Variants in MMGT1 observed in about 807,000 individuals in gnomAD.
MMGT1 encodes the protein membrane magnesium transporter 1.
In MMGT1, 2 loss-of-function variants were observed where a neutral mutation model predicts 11.7. That is an observed-to-expected ratio of 0.17 (90% CI 0.07 to 0.54). The LOEUF (loss-of-function observed/expected upper bound fraction) is 0.54, where lower values mean the gene tolerates loss of function less well. MMGT1 is among the 20% of genes least tolerant of loss of function. The pLI, the probability that MMGT1 is intolerant of heterozygous loss-of-function variation, is 0.94. For missense variants in MMGT1, 74 were observed against 109.0 expected (o/e 0.68, Z 1.43); for synonymous variants, 49 against 44.4 (o/e 1.10, Z -0.41).
In MMGT1 at chrX:135,960,589, A is replaced by C. The variant is rs1354391245; in HGVS notation, c.*4435T>G. The stretch of plus-strand genomic sequence containing the variant: ...AAGTTGAAAAAAAAACCTTTAAAAT[A>C]CTGGAAAAATACATTAAATTTATTC... On this transcript the variant is annotated 3_prime_UTR_variant, in exon 4 of 4. Coordinates refer to ENST00000305963, the MANE Select transcript of MMGT1 (RefSeq NM_173470.3). 8.9e-6 allele frequency among the ~76,000 whole-genome samples: 1 copy of C among 111,975 alleles called. No individual in the cohort carries two copies. Among genetic ancestry groups the C allele is most frequent in the African/African-American group, 3.2e-5 (1 of 30,833 alleles).
intron 1 of MMGT1, among the ~76,000 whole-genome samples, chrX:135,972,718 A>G (rs1401140963): frequency 9.0e-6 from 1 of 111,469 alleles, no homozygotes; most frequent in African/African-American, 3.3e-5. Context: ...CATACAAATC[A>G]CCCTGGGATC....
rs2148116693 is a variant in MMGT1 at position 135,963,683 on chromosome X, G to A, written c.*1341C>T. ...GAAGAGCTGATGTCCATTTCTAAAG[G>A]AAAATAAAATGCCTACAAGTACAAT... is the stretch of plus-strand genomic sequence containing the variant. On this transcript the variant is annotated 3_prime_UTR_variant, in exon 4 of 4. Coordinates refer to ENST00000305963, the MANE Select transcript of MMGT1 (RefSeq NM_173470.3). 8.9e-6 allele frequency: 1 copy of A among 112,217 alleles called. No homozygotes were observed. Among genetic ancestry groups the A allele is most frequent in the African/African-American group, 3.2e-5 (1 of 30,792 alleles). The allele number at this position is 112,217 out of a possible 1,213,427, so 9.2% of individuals were successfully genotyped here. A position where few individuals can be genotyped will look rare whatever the true frequency, so the allele number is the denominator to read the frequency against.
At position 135,973,577 on chromosome X, in the gene MMGT1, C is replaced by T. The variant is rs370450559; in HGVS notation, c.79+20G>A. 8 of 1,151,704 alleles carry T rather than the reference C, an allele frequency of 6.9e-6. No homozygotes were observed. The African/African-American group carries it at 1.4e-4, about 21-fold the overall frequency. The allele number at this position is 1,151,704 out of a possible 1,213,427, so 94.9% of individuals were successfully genotyped here. A position where few individuals can be genotyped will look rare whatever the true frequency, so the allele number is the denominator to read the frequency against. The stretch of plus-strand genomic sequence containing the variant: ...CCTAGGGTTCCACACCGAAGCGGTC[C>T]CCGTGCCCCAGGCACTTACGCTGCG... On this transcript the variant is annotated intron_variant, in intron 1 of 3. Transcript: ENST00000305963.
At chrX:135,969,444 A>G (rs2089205680) in intron 2 of MMGT1, among the ~76,000 whole-genome samples, 1 of 110,827 alleles carries the variant, frequency 9.0e-6, no homozygotes, top group African/African-American at 3.3e-5. Flanking sequence ...GGTTCAAGTG[A>G]TTCTCCTGCC....
chrX:135,961,585 A>G lies in MMGT1; in HGVS notation c.*3439T>C, dbSNP rs1457499134. ...CTTAATTAACAGGTTATTTTGAGATATTCCTAGGTAGGTTTGAATACCGGT... is the reference window on the plus strand; with the variant it reads ...CTTAATTAACAGGTTATTTTGAGATGTTCCTAGGTAGGTTTGAATACCGGT... On this transcript the variant is annotated 3_prime_UTR_variant, in exon 4 of 4. Coordinates refer to ENST00000305963, the MANE Select transcript of MMGT1 (RefSeq NM_173470.3). Among the ~76,000 whole-genome samples the G allele has an allele frequency of 9.0e-6, 1 of 111,553 alleles. No homozygotes were observed. The highest frequency in any genetic ancestry group is 1.9e-5 in the Non-Finnish European group (1 of 53,102).
rs150760968 is a variant in MMGT1, at chrX:135,968,940, A to T, written c.133-1447T>A. On this transcript the variant is annotated intron_variant, in intron 2 of 3. Transcript: ENST00000305963. The stretch of plus-strand genomic sequence containing the variant: ...CCTGTTACCTTCACAATCAACATGA[A>T]TATTCATATGCATGTCGCCCAGTTC... Among the ~76,000 whole-genome samples the T allele has an allele frequency of 6.4e-3, 721 of 112,017 alleles. 3 individuals are homozygous for T. The highest frequency in any genetic ancestry group is 0.011 in the Admixed American group (119 of 10,522).
chrX:135,968,499 T>TTGTGTGTGTGTGTGTGTGTGTGTGTGTG (rs61012323), intron 2 of MMGT1, among the ~76,000 whole-genome samples: 1 of 85,009 alleles, frequency 1.2e-5, no homozygotes, highest in African/African-American at 4.5e-5. Flanking sequence ...CATTATGTCA[T>TTGTGTGTGTGTGTGTGTGTGTGTGTGTG]TGTGTGTGTG....
intron 1 of MMGT1, among the ~76,000 whole-genome samples, chrX:135,972,860 T>C (rs11798160): frequency 0.013 from 1,415 of 111,539 alleles, 23 homozygotes; most frequent in Non-Finnish European, 0.018. Flanking sequence ...TTCCTTAACC[T>C]CCCAGTTCCC....
chrX:135,970,733 C>A (rs952103235), intron 2 of MMGT1, among the ~76,000 whole-genome samples: 1 of 111,687 alleles, frequency 9.0e-6, no homozygotes, highest in African/African-American at 3.3e-5. Flanking sequence ...CACGGTGAAA[C>A]CCTGTCTCTA....
intron 1 of MMGT1, among the ~76,000 whole-genome samples, chrX:135,973,030 C>T: frequency 1.8e-5 from 2 of 112,314 alleles, no homozygotes; most frequent in Non-Finnish European, 3.8e-5. Flanking sequence ...TTTCAAACAG[C>T]GACCCAAAAC....
rs1315545870 is a variant in MMGT1 at position 135,963,524 on chromosome X, T to C, written c.*1500A>G. The C allele has an allele frequency of 1.8e-5, 2 of 112,142 alleles. No homozygotes were observed. The highest frequency in any genetic ancestry group is 3.8e-5 in the Non-Finnish European group (2 of 53,217). The allele number at this position is 112,142 out of a possible 1,213,427, so 9.2% of individuals were successfully genotyped here. On this transcript the variant is annotated 3_prime_UTR_variant, in exon 4 of 4. Coordinates refer to ENST00000305963, the MANE Select transcript of MMGT1 (RefSeq NM_173470.3). ...TTAGGTTATCGGCAGATTTCTAACT[T>C]TGTTCTCATTAGAGAGCAGAGTCAG...
chrX:135,967,537 T>C, intron 2 of MMGT1, 44 bp from the exon 3 acceptor site: 5 of 762,828 alleles, frequency 6.6e-6, no homozygotes, highest in Non-Finnish European at 9.6e-6. Flanking sequence ...ACAAACATTA[T>C]TATAAATATT....
At position 135,965,179 on chromosome X, in the gene MMGT1, A is replaced by G; in HGVS notation, c.241T>C (p.Phe81Leu). 1 of 1,194,312 alleles carries G rather than the reference A, an allele frequency of 8.4e-7. No homozygotes were observed. Among genetic ancestry groups the G allele is most frequent in the Non-Finnish European group, 1.1e-6 (1 of 883,404 alleles). Reference protein sequence around the residue: ...DATSELKNKTFDTLRNHPSFY... With the variant: ...DATSELKNKTLDTLRNHPSFY... ...GATGGGTGATTCCTTAACGTATCAA[A>G]TGTCCTTGAAAGAAGAAAAAAGCAT... is the stretch of plus-strand genomic sequence containing the variant. Residue 81 changes from phenylalanine to leucine, a missense_variant, in exon 4 of 4, where the codon TTT (phenylalanine) becomes CTT (leucine). Transcript: ENST00000305963.
intron 2 of MMGT1, among the ~76,000 whole-genome samples, chrX:135,968,685 T>A (rs2089200722): frequency 9.1e-6 from 1 of 110,011 alleles, no homozygotes; most frequent in African/African-American, 3.3e-5. Flanking sequence ...TGCCCGCCAC[T>A]GCACCCAACC....
intron 2 of MMGT1, among the ~76,000 whole-genome samples, chrX:135,970,254 C>A (rs1036584022): frequency 3.6e-5 from 4 of 109,756 alleles, no homozygotes; most frequent in Non-Finnish European, 7.6e-5. Context: ...ATAATCCCAG[C>A]TACTTGGGAG....
At chrX:135,969,126 A>G (rs193078358) in intron 2 of MMGT1, among the ~76,000 whole-genome samples, 1 of 78,922 alleles carries the variant, frequency 1.3e-5, no homozygotes, top group East Asian at 4.4e-4. Context: ...GTTCTTTAAA[A>G]TAGACATAAA....
At chrX:135,965,469 A>C (rs989393558) in intron 3 of MMGT1, among the ~76,000 whole-genome samples, 2 of 111,901 alleles carry the variant, frequency 1.8e-5, no homozygotes, top group African/African-American at 6.5e-5. Context: ...TAGCACAATC[A>C]TAGCTCACTG....
At chrX:135,970,162 C>T (rs1168444357) in intron 2 of MMGT1, among the ~76,000 whole-genome samples, 4 of 110,341 alleles carry the variant, frequency 3.6e-5, no homozygotes, top group Admixed American at 9.7e-5. Flanking sequence ...GTCAGGAGTT[C>T]GAGACTAGCC....
chrX:135,967,503 T>C lies in MMGT1; in HGVS notation c.133-10A>G. Reference sequence around the variant, plus strand: ...GTGTCTGAAGAACTATCTGTGAGTATAAAGATTGATAATACTAAATAACAC... The same window carrying C: ...GTGTCTGAAGAACTATCTGTGAGTACAAAGATTGATAATACTAAATAACAC... On this transcript the variant is annotated splice_polypyrimidine_tract_variant and intron_variant, in intron 2 of 3. Transcript: ENST00000305963. 2 of 929,178 alleles carry C rather than the reference T, an allele frequency of 2.2e-6. No individual in the cohort carries two copies. The highest frequency in any genetic ancestry group is 3.0e-6 in the Non-Finnish European group (2 of 659,336). The allele number at this position is 929,178 out of a possible 1,213,427, so 76.6% of individuals were successfully genotyped here.
Sources: allele counts gnomAD v4.1 joint callset (sites outside exome capture counted in the v4.1 genomes callset), GRCh38; gene constraint gnomAD v4.1.1; transcripts MANE v1.5; gene names NCBI Gene and HGNC (gene_info 2026-07-23, HGNC 2026-07-21).